REPS1: variants seen among roughly 807,000 people sequenced by gnomAD.
REPS1 encodes RALBP1 associated Eps domain containing 1.
In REPS1, 39 loss-of-function variants were observed where a neutral mutation model predicts 100.9. The ratio of observed to expected loss-of-function variants is 0.39; its 90% confidence interval spans 0.30 to 0.50. REPS1 has a LOEUF of 0.50. Among genes scored for constraint, REPS1 ranks in the 20% least tolerant of loss-of-function variants. The probability of loss-of-function intolerance (pLI) is 0.86; values close to 1 mark genes in which losing one functional copy is unlikely to be tolerated. For missense variants in REPS1, 821 were observed against 968.5 expected, an observed-to-expected ratio of 0.85 and a Z score of 2.02; for synonymous variants, 324 against 340.3, an observed-to-expected ratio of 0.95 and a Z score of 0.53.
chr6:138,937,675 C>A (rs928467853), intron 8 of REPS1, among the ~76,000 whole-genome samples: 3 of 152,350 alleles, frequency 2.0e-5, no homozygotes, highest in African/African-American at 7.2e-5. Flanking sequence ...CTTCTTTCAG[C>A]ATCTCAGAGA....
At chr6:138,920,903 C>T in intron 11 of REPS1, 134 bp downstream of exon 11, 1 of 631,420 alleles carries the variant, frequency 1.6e-6, no homozygotes, top group Non-Finnish European at 2.8e-6. Flanking sequence ...AATAAATATG[C>T]ATGAACATAT....
chr6:138,978,337 G>A (rs775136278), intron 1 of REPS1, among the ~76,000 whole-genome samples: 3 of 148,444 alleles, frequency 2.0e-5, no homozygotes, highest in Non-Finnish European at 1.5e-5. Flanking sequence ...TGCCCAGGCT[G>A]GAGTCCATTG....
At chr6:138,907,321 T>TGTGC (rs1779724579) in intron 19 of REPS1, 174 bp downstream of exon 19, 1 of 409,888 alleles carries the variant, frequency 2.4e-6, no homozygotes, top group African/African-American at 2.2e-5. Flanking sequence ...AAAGTGTGTG[T>TGTGC]GTGTGTGTGT....
At chr6:138,978,200 G>A (rs1219908025) in intron 1 of REPS1, among the ~76,000 whole-genome samples, 1 of 151,230 alleles carries the variant, frequency 6.6e-6, no homozygotes, top group Non-Finnish European at 1.5e-5. Flanking sequence ...CCCAATCTGT[G>A]GCTTATCTTT....
chr6:138,917,701 T>C, intron 12 of REPS1, 74 bp from the exon 13 acceptor site: 3 of 1,192,732 alleles, frequency 2.5e-6, no homozygotes, highest in Middle Eastern at 4.6e-4. Context: ...CAAACAAATA[T>C]AAGTGATATG....
intron 19 of REPS1, chr6:138,907,240 G>GT (rs1421358126): frequency 6.7e-6 from 2 of 298,050 alleles, no homozygotes; most frequent in Non-Finnish European, 1.3e-5. Flanking sequence ...GGAGGCTGAA[G>GT]TGGGAGGATA....
chr6:138,957,660 G>A (rs549592549), intron 1 of REPS1, among the ~76,000 whole-genome samples: 1 of 152,186 alleles, frequency 6.6e-6, no homozygotes, highest in South Asian at 2.1e-4. Flanking sequence ...CCAGATCAAA[G>A]TGCAATGACA....
At chr6:138,917,982 AAAT>A (rs1319289011) in intron 12 of REPS1, among the ~76,000 whole-genome samples, 1 of 152,238 alleles carries the variant, frequency 6.6e-6, no homozygotes, top group Non-Finnish European at 1.5e-5. Flanking sequence ...CGCAAACAGA[AAAT>A]ATTAGAAAAT....
At chr6:138,940,518 G>A (rs1019462605) in intron 8 of REPS1, among the ~76,000 whole-genome samples, 3 of 151,966 alleles carry the variant, frequency 2.0e-5, no homozygotes, top group East Asian at 1.9e-4. Context: ...AGGCCAAGGC[G>A]GGCAGATCAT....
At position 138,905,135 on chromosome 6, in the gene REPS1, GA is replaced by G. The variant is rs554661735; in HGVS notation, c.2323-4del. The G allele has an allele frequency of 3.2e-3, 5,168 of 1,597,242 alleles. 18 individuals are homozygous for G. The highest frequency in any genetic ancestry group is 4.6e-3 in the South Asian group (417 of 90,614). On this transcript the variant is annotated splice_region_variant and splice_polypyrimidine_tract_variant and intron_variant, in intron 19 of 19. Coordinates refer to ENST00000450536, the MANE Select transcript of REPS1 (RefSeq NM_001286611.2). ...GAAATTCTCTCCTCAAGAACATCCT[GA>G]AAAAGATGCAAAGGCCAAGTTATGT...
chr6:138,904,983 G>T lies in REPS1; in HGVS notation c.*81C>A. 1.9e-6 allele frequency: 2 copies of T among 1,074,404 alleles called. No homozygotes were observed. Among genetic ancestry groups the T allele is most frequent in the Non-Finnish European group, 2.9e-6 (2 of 695,230 alleles). 66.6% of individuals were successfully genotyped at this position (1,074,404 alleles called of 1,614,324 possible). The stretch of plus-strand genomic sequence containing the variant: ...AATTTAATGTTGAGTTAAGCAGTGA[G>T]CTGAATGTCTAGGTCTCCAAATTGG... On this transcript the variant is annotated 3_prime_UTR_variant, in exon 20 of 20. Coordinates refer to ENST00000450536, the MANE Select transcript of REPS1 (RefSeq NM_001286611.2).
intron 8 of REPS1, among the ~76,000 whole-genome samples, chr6:138,935,981 T>C (rs757917426): frequency 1.3e-5 from 2 of 151,822 alleles, no homozygotes; most frequent in Admixed American, 6.6e-5. Context: ...TGAGGGTCTA[T>C]AGGGTTCCAG....
chr6:138,918,261 A>G (rs1303458436), intron 12 of REPS1, among the ~76,000 whole-genome samples: 2 of 152,112 alleles, frequency 1.3e-5, no homozygotes, highest in Non-Finnish European at 2.9e-5. Context: ...CAATAAAACA[A>G]CTATTTACAT....
At chr6:138,927,731 T>C (rs1286162429) in intron 9 of REPS1, 1 of 152,126 alleles carries the variant, frequency 6.6e-6, no homozygotes, top group Non-Finnish European at 1.5e-5. Context: ...CATATGAAAA[T>C]TAAGATATTC....
Position 138,955,457 on chromosome 6 carries a change from A to AAGGGTGTGTGTGT in REPS1, c.154-7545_154-7544insACACACACACCCT, listed in dbSNP as rs10689184. Among the ~76,000 whole-genome samples the AAGGGTGTGTGTGT allele has an allele frequency of 6.6e-5, 6 of 90,734 alleles. No homozygotes were observed. In the South Asian group the frequency reaches 3.4e-3, roughly 51 times the overall value. The allele number at this position is 90,734 out of a possible 152,430, so 59.5% of individuals were successfully genotyped here. ...TGTCTCTTTAAAAAAAAAAAAAAAA[A>AAGGGTGTGTGTGT]GTGTGTGTGTGTGTGTGTGTGTGTG... is the stretch of plus-strand genomic sequence containing the variant. On this transcript the variant is annotated intron_variant, in intron 1 of 19. Transcript: ENST00000450536.
chr6:138,985,864 T>C (rs1170557903), intron 1 of REPS1, among the ~76,000 whole-genome samples: 2 of 152,234 alleles, frequency 1.3e-5, no homozygotes, highest in Non-Finnish European at 2.9e-5. Flanking sequence ...TTAAAAAGAT[T>C]GAAAGTTTTA....
At chr6:138,978,593 A>G (rs1244411517) in intron 1 of REPS1, among the ~76,000 whole-genome samples, 2 of 152,128 alleles carry the variant, frequency 1.3e-5, no homozygotes, top group East Asian at 3.9e-4. Context: ...TACAGGCATA[A>G]GTCACTGTGC....
rs181234674 is a variant in REPS1, at chr6:138,965,378, A to T, written c.154-17465T>A. Among the ~76,000 whole-genome samples the T allele has an allele frequency of 6.3e-3, 957 of 152,218 alleles. 4 individuals carry two copies. The highest frequency in any genetic ancestry group is 7.2e-3 in the Non-Finnish European group (487 of 67,958). On this transcript the variant is annotated intron_variant, in intron 1 of 19. Transcript: ENST00000450536. The stretch of plus-strand genomic sequence containing the variant: ...ACGACAAAAAGGCTTTAAAAAAAAA[A>T]CAAATAAGATTAAAGGTAAGAAAGG...
chr6:138,983,918 ATT>A (rs1198975229), intron 1 of REPS1, among the ~76,000 whole-genome samples: 2 of 151,982 alleles, frequency 1.3e-5, no homozygotes, highest in African/African-American at 4.8e-5. Flanking sequence ...CAAACTCATC[ATT>A]GTCTCTTTTA....
Sources: allele counts gnomAD v4.1 joint callset (sites outside exome capture counted in the v4.1 genomes callset), GRCh38; gene constraint gnomAD v4.1.1; transcripts MANE v1.5; gene names NCBI Gene and HGNC (gene_info 2026-07-23, HGNC 2026-07-21).